PFKFB2: variants seen among roughly 807,000 people sequenced by gnomAD.
The protein encoded by PFKFB2 is 6-phosphofructo-2-kinase/fructose-2,6-biphosphatase 2.
PFKFB2 carries 53 observed loss-of-function variants against 68.0 expected under a neutral mutation model. That is an observed-to-expected ratio of 0.78 (90% CI 0.63 to 0.98). The LOEUF is 0.98. PFKFB2 is among the 50% of genes least tolerant of loss of function. The pLI, the probability that PFKFB2 is intolerant of heterozygous loss-of-function variation, is 0.00. For missense variants in PFKFB2, 451 were observed against 642.0 expected (o/e 0.70, Z 3.22); for synonymous variants, 222 against 227.6 (o/e 0.98, Z 0.22).
At chr1:207,038,498 T>A (rs555055892) in intron 1 of PFKFB2, among the ~76,000 whole-genome samples, 3 of 152,358 alleles carry the variant, frequency 2.0e-5, no homozygotes, top group African/African-American at 7.2e-5. Context: ...AATATTTCAT[T>A]TCCTTCTGCA....
rs1683617157 is a variant in PFKFB2 at position 207,076,230 on chromosome 1, T to C, written c.*3859T>C. The C allele has an allele frequency of 3.1e-6, 3 of 978,034 alleles. No homozygotes were observed. Among genetic ancestry groups the C allele is most frequent in the Non-Finnish European group, 3.6e-6 (3 of 823,504 alleles). 60.6% of individuals were successfully genotyped at this position (978,034 alleles called of 1,614,324 possible). A position where few individuals can be genotyped will look rare whatever the true frequency, so the allele number is the denominator to read the frequency against. ...ATGATATAGCTGTTTGGAAATAAATTCATCTATGTTACTTTTTTTTTCTTT... is the reference window on the plus strand; with the variant it reads ...ATGATATAGCTGTTTGGAAATAAATCCATCTATGTTACTTTTTTTTTCTTT... On this transcript the variant is annotated 3_prime_UTR_variant, in exon 15 of 15. Coordinates refer to ENST00000367080, the MANE Select transcript of PFKFB2 (RefSeq NM_006212.2).
At chr1:207,057,279 C>A (rs12760145) in intron 2 of PFKFB2, among the ~76,000 whole-genome samples, 1 of 123,916 alleles carries the variant, frequency 8.1e-6, no homozygotes, top group Non-Finnish European at 1.6e-5. Flanking sequence ...AACCCCGTCT[C>A]TACTAAAAAT....
At chr1:207,068,728 G>A (rs1248164367) in intron 10 of PFKFB2, among the ~76,000 whole-genome samples, 1 of 151,470 alleles carries the variant, frequency 6.6e-6, no homozygotes, top group African/African-American at 2.4e-5. Flanking sequence ...CTCTTCTTGA[G>A]TACAAAAGTA....
chr1:207,078,433 T>C (rs1163328829), downstream of PFKFB2, among the ~76,000 whole-genome samples: 1 of 152,176 alleles, frequency 6.6e-6, no homozygotes, highest in Non-Finnish European at 1.5e-5. Flanking sequence ...ATTTAACATT[T>C]GAGAAGCACT....
upstream of PFKFB2, chr1:207,050,978 A>T: frequency 6.5e-7 from 1 of 1,539,568 alleles, no homozygotes; most frequent in Non-Finnish European, 8.8e-7. Context: ...GCCGCCGGGG[A>T]AACCAGGCGC....
At position 207,065,047 on chromosome 1, in the gene PFKFB2, A is replaced by T. The variant is rs376081486; in HGVS notation, c.519A>T (p.Val173=). The part of the protein sequence containing the change: ...VIAANILEVK[V]SSPDYPERNR... ...TCCTATGATTTCAGGAGGTTAAGGT[A>T]TCAAGCCCTGACTATCCTGAAAGGA... is the stretch of plus-strand genomic sequence containing the variant. Residue 173 remains valine, a synonymous_variant, in exon 8 of 15, where the codon GTA becomes GTT. Transcript: ENST00000367080. The T allele has an allele frequency of 8.7e-6, 14 of 1,613,844 alleles. No homozygotes were observed. The African/African-American group carries it at 9.3e-5, about 11-fold the overall frequency.
chr1:207,067,741 C>A, intron 9 of PFKFB2, 35 bp downstream of exon 9: 2 of 1,530,922 alleles, frequency 1.3e-6, no homozygotes, highest in Non-Finnish European at 1.8e-6. Context: ...ATTTTCTAGG[C>A]TTAGAGTTAG....
chr1:207,068,608 T>G (rs1683371258), intron 10 of PFKFB2, among the ~76,000 whole-genome samples: 1 of 152,178 alleles, frequency 6.6e-6, no homozygotes, highest in African/African-American at 2.4e-5. Context: ...CTTTGTATAT[T>G]TGCCTCCTGG....
intron 2 of PFKFB2, chr1:207,047,034 T>A (rs1296821615): frequency 3.3e-5 from 5 of 152,430 alleles, no homozygotes; most frequent in Non-Finnish European, 5.9e-5. Context: ...AGTGGTATAT[T>A]CTTAATTTAC....
At chr1:207,046,714 AGG>A (rs1206077576) in intron 2 of PFKFB2, 1 of 152,090 alleles carries the variant, frequency 6.6e-6, no homozygotes, top group Admixed American at 6.5e-5. Context: ...CTTACAATGA[AGG>A]GGTTTAATTC....
upstream of PFKFB2, chr1:207,049,330 A>G: frequency 6.2e-7 from 1 of 1,614,172 alleles, no homozygotes; most frequent in Non-Finnish European, 8.5e-7. Context: ...AAAACGATCA[A>G]TTCTTACTGT....
In PFKFB2 at chr1:207,074,255, TC is replaced by T; in HGVS notation, c.*1886del. ...CCTAGGAATTCTGAATTCCTCATAG[TC>T]CTGAAAGGACAGTTCTTTGGGTTTG... On this transcript the variant is annotated 3_prime_UTR_variant, in exon 15 of 15. Transcript: ENST00000367080. 1 of 985,284 alleles carries T rather than the reference TC, an allele frequency of 1.0e-6. No homozygotes were observed. The highest frequency in any genetic ancestry group is 1.1e-4 in the East Asian group (1 of 8,816). The allele number at this position is 985,284 out of a possible 1,614,324, so 61.0% of individuals were successfully genotyped here.
At chr1:207,060,169 A>T (rs1183834268) in intron 2 of PFKFB2, among the ~76,000 whole-genome samples, 4 of 152,186 alleles carry the variant, frequency 2.6e-5, no homozygotes, top group Admixed American at 2.6e-4. Flanking sequence ...CAAAGTGATG[A>T]GGAACCTCTT....
chr1:207,047,180 A>G (rs1169894208), intron 2 of PFKFB2: 1 of 152,582 alleles, frequency 6.6e-6, no homozygotes, highest in Admixed American at 6.5e-5. Flanking sequence ...AACATTAAGT[A>G]TCATAAGCTC....
intron 1 of PFKFB2, among the ~76,000 whole-genome samples, chr1:207,037,477 T>C (rs1682397678): frequency 6.6e-6 from 1 of 152,220 alleles, no homozygotes; most frequent in African/African-American, 2.4e-5. Flanking sequence ...CTTTTATCTA[T>C]AGGTCAACAA....
intron 2 of PFKFB2, chr1:207,044,520 C>A (rs917947535): frequency 2.0e-5 from 3 of 152,500 alleles, no homozygotes; most frequent in African/African-American, 7.2e-5. Context: ...TTACCTACAA[C>A]TTAATCAAAT....
At chr1:207,052,175 G>A (rs760365756), upstream of PFKFB2, 1 of 1,612,042 alleles carries the variant, frequency 6.2e-7, no homozygotes, top group East Asian at 2.2e-5. Context: ...TTCACTTGGT[G>A]CAAACTCACC....
intron 10 of PFKFB2, among the ~76,000 whole-genome samples, chr1:207,068,587 T>A (rs1462896668): frequency 6.6e-6 from 1 of 152,128 alleles, no homozygotes; most frequent in Non-Finnish European, 1.5e-5. Flanking sequence ...TAACAAGGAC[T>A]CATTTTGTTC....
At chr1:207,050,785 G>T (rs1381175185), upstream of PFKFB2, 1 of 1,613,408 alleles carries the variant, frequency 6.2e-7, no homozygotes, top group African/African-American at 1.3e-5. Context: ...CGCCGGGGGC[G>T]ATCCCGGTGA....
Sources: gnomAD v4.1 joint callset for allele counts (sites outside exome capture counted in the v4.1 genomes callset) on GRCh38, gnomAD v4.1.1 for gene constraint, MANE v1.5 for transcripts, NCBI Gene and HGNC (gene_info 2026-07-23, HGNC 2026-07-21) for gene names.